PDE10A: variants seen among roughly 807,000 people sequenced by gnomAD.
PDE10A encodes the protein phosphodiesterase 10A, also known as cAMP and cAMP-inhibited cGMP 3',5'-cyclic phosphodiesterase 10A.
In PDE10A, 39 loss-of-function variants were observed where a neutral mutation model predicts 97.7. The ratio of observed to expected loss-of-function variants is 0.40; its 90% confidence interval spans 0.31 to 0.52. The LOEUF (loss-of-function observed/expected upper bound fraction) is 0.52, where lower values mean the gene tolerates loss of function less well. Among genes scored for constraint, PDE10A ranks in the 20% least tolerant of loss-of-function variants. The pLI is 0.56. For synonymous variants in PDE10A, 371 were observed against 376.8 expected (o/e 0.98, Z 0.18); for missense variants, 731 against 1,047.8 (o/e 0.70, Z 4.17).
intron 1 of PDE10A, chr6:165,987,384 G>T (rs1462216090): frequency 9.6e-6 from 3 of 313,556 alleles, no homozygotes; most frequent in Non-Finnish European, 1.9e-5. Flanking sequence ...CACCACACAC[G>T]CGCACACGTT....
At chr6:165,774,111 T>C (rs979762840) in intron 1 of PDE10A, among the ~76,000 whole-genome samples, 4 of 152,104 alleles carry the variant, frequency 2.6e-5, no homozygotes, top group Admixed American at 1.3e-4. Flanking sequence ...ATGAAAACAC[T>C]AGCTCCCTCT....
At chr6:165,822,657 G>A (rs930099161) in intron 1 of PDE10A, among the ~76,000 whole-genome samples, 1 of 151,752 alleles carries the variant, frequency 6.6e-6, no homozygotes, top group African/African-American at 2.4e-5. Flanking sequence ...CACTTATCAC[G>A]AATGGAGCAA....
intron 1 of PDE10A, among the ~76,000 whole-genome samples, chr6:165,724,762 C>G (rs189917374): frequency 6.6e-6 from 1 of 152,306 alleles, no homozygotes; most frequent in East Asian, 1.9e-4. Context: ...ACAGCCTGAA[C>G]ATCGCAGGAA....
chr6:165,906,224 A>C (rs1271053703), intron 1 of PDE10A, among the ~76,000 whole-genome samples: 1 of 150,864 alleles, frequency 6.6e-6, no homozygotes, highest in Non-Finnish European at 1.5e-5. Context: ...TCTTTGTCAC[A>C]AAGTCCTTCG....
chr6:165,425,704 AG>A (rs1179787600), intron 10 of PDE10A, among the ~76,000 whole-genome samples: 2 of 151,950 alleles, frequency 1.3e-5, no homozygotes, highest in African/African-American at 4.8e-5. Flanking sequence ...TGCCAGAAAA[AG>A]AAAGAAAACA....
At chr6:165,449,469 TAGCATA>T (rs1451522844) in intron 4 of PDE10A, among the ~76,000 whole-genome samples, 1 of 152,164 alleles carries the variant, frequency 6.6e-6, no homozygotes, top group East Asian at 1.9e-4. Flanking sequence ...TAATAGTTAA[TAGCATA>T]AGTCTTGGAG....
At chr6:165,645,990 T>C (rs567730386) in intron 1 of PDE10A, among the ~76,000 whole-genome samples, 36 of 152,002 alleles carry the variant, frequency 2.4e-4, no homozygotes, top group Non-Finnish European at 4.0e-4. Flanking sequence ...GAAACAAGTA[T>C]AAAGGGAGGC....
At chr6:165,624,821 A>G (rs1234893027) in intron 1 of PDE10A, among the ~76,000 whole-genome samples, 1 of 152,258 alleles carries the variant, frequency 6.6e-6, no homozygotes, top group East Asian at 1.9e-4. Flanking sequence ...AGTGTTTTGA[A>G]GAAAAATAAA....
chr6:165,531,164 A>C (rs1782754690), intron 2 of PDE10A, among the ~76,000 whole-genome samples: 1 of 151,964 alleles, frequency 6.6e-6, no homozygotes, highest in Admixed American at 6.6e-5. Context: ...CTCTAACTAC[A>C]TGCACTCATT....
intron 1 of PDE10A, among the ~76,000 whole-genome samples, chr6:165,970,522 A>C (rs3846782): frequency 0.03 from 4,513 of 152,286 alleles, 139 homozygotes; most frequent in African/African-American, 0.074. Flanking sequence ...CTGTTTTTTA[A>C]AATATCCATA....
At chr6:165,519,060 A>G (rs1781985642) in intron 2 of PDE10A, among the ~76,000 whole-genome samples, 1 of 152,202 alleles carries the variant, frequency 6.6e-6, no homozygotes, top group Non-Finnish European at 1.5e-5. Flanking sequence ...CATTTCTGTA[A>G]TCTGTCATGG....
intron 1 of PDE10A, among the ~76,000 whole-genome samples, chr6:165,927,562 G>T (rs1237638850): frequency 2.0e-5 from 3 of 148,650 alleles, no homozygotes; most frequent in African/African-American, 7.5e-5. Flanking sequence ...CTGTGGGTAG[G>T]ATTGGGAAAG....
rs1779497241 is a variant in PDE10A at position 165,819,149 on chromosome 6, C to T, written c.-615+168380G>A. Among the ~76,000 whole-genome samples the T allele has an allele frequency of 6.6e-6, 1 of 152,114 alleles. No individual in the cohort carries two copies. Among genetic ancestry groups the T allele is most frequent in the South Asian group, 2.1e-4 (1 of 4,816 alleles). On this transcript the variant is annotated intron_variant, in intron 1 of 19. Coordinates refer to the PDE10A transcript ENST00000366882. The surrounding 1 kb of genome is among the most constrained non-coding windows in gnomAD (Gnocchi z 4.2). ...TATTTCCAAAACCAGTTTTCAAAAC[C>T]GAGTTCATCTCTGCACCTGCTCCCT...
chr6:165,699,053 G>A (rs1317173125), intron 1 of PDE10A, among the ~76,000 whole-genome samples: 1 of 152,112 alleles, frequency 6.6e-6, no homozygotes, highest in Non-Finnish European at 1.5e-5. Flanking sequence ...GAGATTGTCA[G>A]ACTGAATAAA....
intron 1 of PDE10A, among the ~76,000 whole-genome samples, chr6:165,614,470 T>C (rs931014784): frequency 2.6e-5 from 4 of 152,124 alleles, no homozygotes; most frequent in African/African-American, 9.7e-5. Flanking sequence ...ACGTCTGTCC[T>C]CACACGCCAC....
chr6:165,615,665 C>A (rs1157947470), intron 1 of PDE10A, among the ~76,000 whole-genome samples: 1 of 152,046 alleles, frequency 6.6e-6, no homozygotes, highest in Non-Finnish European at 1.5e-5. Context: ...AATAATTTAT[C>A]CATAATAATA....
intron 17 of PDE10A, among the ~76,000 whole-genome samples, chr6:165,386,153 G>A (rs1384426016): frequency 2.0e-5 from 3 of 152,108 alleles, no homozygotes; most frequent in Admixed American, 6.5e-5. Flanking sequence ...GCCCCACATC[G>A]CGGAGGGTTT....
At chr6:165,933,373 GCA>G (rs1186889326) in intron 1 of PDE10A, among the ~76,000 whole-genome samples, 3 of 152,148 alleles carry the variant, frequency 2.0e-5, no homozygotes, top group East Asian at 3.8e-4. Flanking sequence ...AGCTAGCATA[GCA>G]CACGTCCATT....
chr6:165,372,415 G>A (rs1205907063), intron 18 of PDE10A, among the ~76,000 whole-genome samples: 1 of 141,354 alleles, frequency 7.1e-6, no homozygotes, highest in Non-Finnish European at 1.5e-5. Flanking sequence ...AAAATCACAA[G>A]CATTCTTATA....
Sources: allele counts gnomAD v4.1 joint callset (sites outside exome capture counted in the v4.1 genomes callset), GRCh38; gene constraint gnomAD v4.1.1; non-coding constraint Gnocchi (gnomAD v3.1); transcripts MANE v1.5; gene names NCBI Gene and HGNC (gene_info 2026-07-23, HGNC 2026-07-21).